The following PRKCZ variants were observed in gnomAD, a reference collection of about 807,000 sequenced individuals.
PRKCZ encodes the protein protein kinase C zeta, also known as protein kinase C zeta type.
A neutral mutation model predicts 79.5 loss-of-function variants in PRKCZ; 33 were observed. The ratio of observed to expected loss-of-function variants is 0.41; its 90% CI spans 0.31 to 0.55. PRKCZ has a LOEUF of 0.55. PRKCZ is among the 20% of genes least tolerant of loss of function. The probability of loss-of-function intolerance (pLI) is 0.19; values close to 1 mark genes in which losing one functional copy is unlikely to be tolerated. For missense variants in PRKCZ, 578 were observed against 813.5 expected (o/e 0.71, Z 3.52); for synonymous variants, 342 against 320.9 (o/e 1.07, Z -0.70).
intron 3 of PRKCZ, 65 bp from the exon 4 acceptor site, chr1:2,059,476 C>T (rs529087637): frequency 2.5e-6 from 4 of 1,589,174 alleles, no homozygotes; most frequent in East Asian, 4.5e-5. Context: ...GCGGGACTTC[C>T]TCCGTGAGAC....
Position 2,075,918 on chromosome 1 carries a change from A to T in PRKCZ, c.334+16327A>T, listed in dbSNP as rs1239401721. On this transcript the variant is annotated intron_variant, in intron 4 of 17. Coordinates refer to ENST00000378567, the MANE Select transcript of PRKCZ (RefSeq NM_002744.6). The surrounding 1 kb of genome is among the most constrained non-coding windows in gnomAD (Gnocchi z 4.8). The stretch of plus-strand genomic sequence containing the variant: ...GCGTCTCATCTGCCACACGTTTCTG[A>T]TCGCCGAGGACTCAGCCGGGCACAT... Among the ~76,000 whole-genome samples, 1 of 152,202 alleles carries T rather than the reference A, an allele frequency of 6.6e-6. No homozygotes were observed. Among genetic ancestry groups the T allele is most frequent in the East Asian group, 1.9e-4 (1 of 5,194 alleles).
At chr1:2,131,942 GTTGGGACTACAGGCGCCCA>G (rs1675050002) in intron 4 of PRKCZ, among the ~76,000 whole-genome samples, 12 of 152,138 alleles carry the variant, frequency 7.9e-5, no homozygotes, top group Admixed American at 7.9e-4. Context: ...CTCCCAAGTA[GTTGGGACTACAGGCGCCCA>G]CCACCACACC....
At chr1:2,058,163 G>A (rs1197701753) in intron 3 of PRKCZ, among the ~76,000 whole-genome samples, 3 of 152,222 alleles carry the variant, frequency 2.0e-5, no homozygotes, top group South Asian at 2.1e-4. Context: ...CACGGTGCCC[G>A]GCCTAATTTT....
intron 4 of PRKCZ, among the ~76,000 whole-genome samples, chr1:2,126,462 C>G (rs1261246259): frequency 6.6e-6 from 1 of 152,092 alleles, no homozygotes; most frequent in Non-Finnish European, 1.5e-5. Flanking sequence ...TGTCTCCCCC[C>G]AGCCGCCTTG....
At chr1:2,139,761 C>A (rs1676947832) in intron 5 of PRKCZ, among the ~76,000 whole-genome samples, 1 of 152,164 alleles carries the variant, frequency 6.6e-6, no homozygotes, top group African/African-American at 2.4e-5. Flanking sequence ...AGAAATCACC[C>A]GTCATTCGGA....
At chr1:2,111,236 G>C (rs1669684285) in intron 4 of PRKCZ, among the ~76,000 whole-genome samples, 1 of 152,118 alleles carries the variant, frequency 6.6e-6, no homozygotes, top group Non-Finnish European at 1.5e-5. Context: ...TGTGGGAAAA[G>C]AAAGAGGCAG....
At chr1:2,109,446 C>G (rs545379662) in intron 4 of PRKCZ, among the ~76,000 whole-genome samples, 5 of 152,370 alleles carry the variant, frequency 3.3e-5, no homozygotes, top group South Asian at 4.1e-4. Context: ...CTGCTCCGTC[C>G]TCCTCACTGA....
chr1:2,094,023 A>G lies in PRKCZ; in HGVS notation c.334+34432A>G, dbSNP rs2102510651. Among the ~76,000 whole-genome samples, 1 of 152,236 alleles carries G rather than the reference A, an allele frequency of 6.6e-6. No homozygotes were observed. Among genetic ancestry groups the G allele is most frequent in the African/African-American group, 2.4e-5 (1 of 41,526 alleles). ...GACACGTGTGTCTGCTCCCTGCGGCACGTCCACAGCACCTGCCAGCCCACT... is the reference window on the plus strand; with the variant it reads ...GACACGTGTGTCTGCTCCCTGCGGCGCGTCCACAGCACCTGCCAGCCCACT... On this transcript the variant is annotated intron_variant, in intron 4 of 17. Transcript: ENST00000378567. The surrounding 1 kb of genome is among the most constrained non-coding windows in gnomAD (Gnocchi z 7.3).
rs1164332989 is a variant in PRKCZ at position 2,149,764 on chromosome 1, G to C, written c.687+840G>C. 6.6e-6 allele frequency among the ~76,000 whole-genome samples: 1 copy of C among 152,174 alleles called. No homozygotes were observed. Among genetic ancestry groups the C allele is most frequent in the African/African-American group, 2.4e-5 (1 of 41,442 alleles). ...TGGTCCTAGCTGCTTGGGAGGCTGA[G>C]GTGGGAGGATCGCCTGAGCCTGGGA... On this transcript the variant is annotated intron_variant, in intron 8 of 17. Transcript: ENST00000378567. This position sits in a 1 kb window ranked among gnomAD's most constrained non-coding sequence, Gnocchi z 4.1.
chr1:2,177,222 C>T lies in PRKCZ; in HGVS notation c.1575+1909C>T, dbSNP rs189280260. Reference sequence around the variant, plus strand: ...TTGTCTCTGGCCCACAGAACCCCTCCGGTCCACACACACACTCAGGTCCAG... The same window carrying T: ...TTGTCTCTGGCCCACAGAACCCCTCTGGTCCACACACACACTCAGGTCCAG... On this transcript the variant is annotated intron_variant, in intron 16 of 17. Coordinates refer to ENST00000378567, the MANE Select transcript of PRKCZ (RefSeq NM_002744.6). This position sits in a 1 kb window ranked among gnomAD's most constrained non-coding sequence, Gnocchi z 6.4. Among the ~76,000 whole-genome samples, 3 of 152,254 alleles carry T rather than the reference C, an allele frequency of 2.0e-5. No individual in the cohort carries two copies. The highest frequency in any genetic ancestry group is 4.8e-5 in the African/African-American group (2 of 41,530).
intron 4 of PRKCZ, among the ~76,000 whole-genome samples, chr1:2,083,052 G>A (rs149527589): frequency 2.6e-5 from 4 of 152,314 alleles, no homozygotes; most frequent in South Asian, 2.1e-4. Flanking sequence ...CATTTAGGGC[G>A]GCTGTACAGT....
At chr1:2,130,601 C>A (rs938807555) in intron 4 of PRKCZ, among the ~76,000 whole-genome samples, 3 of 152,044 alleles carry the variant, frequency 2.0e-5, no homozygotes, top group African/African-American at 7.2e-5. Flanking sequence ...CTACAGGGGG[C>A]CCAGCAGGCT....
chr1:2,127,308 A>C lies in PRKCZ; in HGVS notation c.335-7954A>C, dbSNP rs907380470. 6.6e-6 allele frequency among the ~76,000 whole-genome samples: 1 copy of C among 151,488 alleles called. No homozygotes were observed. The highest frequency in any genetic ancestry group is 2.4e-5 in the African/African-American group (1 of 41,318). ...TTTCAATCACATGTTCAGCTGGGAAATAGATCTGTGGTTAGAAACGGGAAG... is the reference window on the plus strand; with the variant it reads ...TTTCAATCACATGTTCAGCTGGGAACTAGATCTGTGGTTAGAAACGGGAAG... On this transcript the variant is annotated intron_variant, in intron 4 of 17. Coordinates refer to ENST00000378567, the MANE Select transcript of PRKCZ (RefSeq NM_002744.6). This position sits in a 1 kb window ranked among gnomAD's most constrained non-coding sequence, Gnocchi z 5.1.
intron 5 of PRKCZ, chr1:2,141,166 C>T (rs550897196): frequency 6.6e-6 from 1 of 151,968 alleles, no homozygotes; most frequent in Non-Finnish European, 1.5e-5. Context: ...TTTGACAGAG[C>T]TTGGGCAGCC....
chr1:2,095,258 G>A (rs1666254397), intron 4 of PRKCZ, among the ~76,000 whole-genome samples: 1 of 152,172 alleles, frequency 6.6e-6, no homozygotes, highest in African/African-American at 2.4e-5. Flanking sequence ...TCCCTCTGTA[G>A]GGGAGGGCCT....
At chr1:2,136,057 C>A (rs1202073585) in intron 5 of PRKCZ, among the ~76,000 whole-genome samples, 1 of 152,104 alleles carries the variant, frequency 6.6e-6, no homozygotes, top group Non-Finnish European at 1.5e-5. Context: ...CCTGACAGCC[C>A]CTCACAGGAG....
chr1:2,091,551 C>T (rs952526499), intron 4 of PRKCZ, among the ~76,000 whole-genome samples: 3 of 152,072 alleles, frequency 2.0e-5, no homozygotes, highest in Admixed American at 6.6e-5. Flanking sequence ...TGTTCCTGGC[C>T]GTCCTCTTGG....
Position 2,128,300 on chromosome 1 carries a change from C to T in PRKCZ, c.335-6962C>T, listed in dbSNP as rs1221639000. Among the ~76,000 whole-genome samples the T allele has an allele frequency of 6.6e-6, 1 of 152,212 alleles. No individual in the cohort carries two copies. Among genetic ancestry groups the T allele is most frequent in the Non-Finnish European group, 1.5e-5 (1 of 68,022 alleles). On this transcript the variant is annotated intron_variant, in intron 4 of 17. Coordinates refer to ENST00000378567, the MANE Select transcript of PRKCZ (RefSeq NM_002744.6). This position sits in a 1 kb window ranked among gnomAD's most constrained non-coding sequence, Gnocchi z 6.5. ...CACTGCTTTGGGCTGTGCTGGTCAC[C>T]CTGTGTAGCGGGGCCATGTCCAGTG... is the stretch of plus-strand genomic sequence containing the variant.
intron 4 of PRKCZ, among the ~76,000 whole-genome samples, chr1:2,062,284 G>A (rs1034403220): frequency 2.6e-5 from 4 of 151,974 alleles, no homozygotes; most frequent in South Asian, 2.1e-4. Flanking sequence ...CCCCACCTCC[G>A]CTCAGCCTCT....
Sources: allele counts gnomAD v4.1 joint callset (sites outside exome capture counted in the v4.1 genomes callset), GRCh38; gene constraint gnomAD v4.1.1; non-coding constraint Gnocchi (gnomAD v3.1); transcripts MANE v1.5; gene names NCBI Gene and HGNC (gene_info 2026-07-23, HGNC 2026-07-21).